Variants in DNMT1 observed in about 807,000 individuals in gnomAD.
DNMT1 encodes the protein DNA methyltransferase 1.
Under a neutral mutation model 205.3 loss-of-function variants are expected in DNMT1, and 24 were observed. The ratio of observed to expected loss-of-function variants is 0.12; its 90% CI spans 0.08 to 0.16. The LOEUF is 0.16. Among genes scored for constraint, DNMT1 ranks in the 10% least tolerant of loss-of-function variants. The pLI is 1.00. For missense variants in DNMT1, 1,293 were observed against 2,177.7 expected (o/e 0.59, Z 8.09); for synonymous variants, 817 against 839.8 (o/e 0.97, Z 0.47).
At chr19:10,148,776 C>T in intron 27 of DNMT1, 108 bp downstream of exon 27, 1 of 1,595,570 alleles carries the variant, frequency 6.3e-7, no homozygotes, top group Non-Finnish European at 8.6e-7. Context: ...GCAAGAGACA[C>T]AAACTGGGGG....
intron 1 of DNMT1, among the ~76,000 whole-genome samples, chr19:10,182,589 A>G (rs1180244759): frequency 6.6e-6 from 1 of 150,702 alleles, no homozygotes; most frequent in Non-Finnish European, 1.5e-5. Flanking sequence ...TCTGTAACAG[A>G]GTATGTGTGT....
chr19:10,194,918 C>CGCG lies in DNMT1; in HGVS notation c.-22_-20dup, dbSNP rs776657243. The CGCG allele has an allele frequency of 2.8e-5, 44 of 1,599,206 alleles. No individual in the cohort carries two copies. Among genetic ancestry groups the CGCG allele is most frequent in the East Asian group, 6.8e-5 (3 of 44,444 alleles). On this transcript the variant is annotated 5_prime_UTR_variant, in exon 1 of 41. Transcript: ENST00000359526. ...CCGGCATCTCGGAGGCTTCAGCAGA[C>CGCG]GCGGCGGCGGCAGCGCAGGCGCCCC...
In DNMT1 at chr19:10,158,395, G is replaced by A. The variant is rs577943178; in HGVS notation, c.1280+1263C>T. On this transcript the variant is annotated intron_variant, in intron 17 of 40. Transcript: ENST00000359526. Reference sequence around the variant, plus strand: ...CATCAGCCAAGCACGGGGAACGTGTGGGTGCCCTCCCAGTGGGTACAGGAA... The same window carrying A: ...CATCAGCCAAGCACGGGGAACGTGTAGGTGCCCTCCCAGTGGGTACAGGAA... Among the ~76,000 whole-genome samples, 8 of 152,334 alleles carry A rather than the reference G, an allele frequency of 5.3e-5. No individual in the cohort carries two copies. In the South Asian group the frequency reaches 1.7e-3, roughly 32 times the overall value.
intron 7 of DNMT1, among the ~76,000 whole-genome samples, chr19:10,174,288 C>T (rs562606643): frequency 1.3e-4 from 20 of 152,168 alleles, no homozygotes; most frequent in African/African-American, 3.9e-4. Flanking sequence ...CATTGGCATG[C>T]GCCTGTAGTC....
In DNMT1 at chr19:10,160,003, C is replaced by T. The variant is rs775842796; in HGVS notation, c.1089+15G>A. On this transcript the variant is annotated intron_variant, in intron 15 of 40. Transcript: ENST00000359526. ...GTGAGCGCCGCCACCGGCTTTATTC[C>T]CGGCAGATGTTTACCTTGGAGTTCA... 6.2e-7 allele frequency: 1 copy of T among 1,614,202 alleles called. No individual in the cohort carries two copies. Among genetic ancestry groups the T allele is most frequent in the African/African-American group, 1.3e-5 (1 of 75,050 alleles).
Position 10,149,578 on chromosome 19 carries a change from G to A in DNMT1, c.2461C>T (p.Leu821Phe). ...TCCAGAGGGTCCGACGTGGCCCCGA[G>A]GACTGTGTCTGTCCCAGCGCAGAAC... ...HWFCAGTDTV[L>F]GATSDPLELF... The change falls in exon 26 of 41, where the codon CTC becomes TTC. Residue 821 changes from leucine (L) to phenylalanine (F), a missense_variant. Leu to Phe is a conservative substitution (Grantham distance 22). Around this residue, in one of 13 missense-constraint regions of DNMT1, gnomAD observed 197 missense variants for 353.6 expected, o/e 0.56. Coordinates refer to ENST00000359526, the MANE Select transcript of DNMT1 (RefSeq NM_001130823.3). 1 of 1,613,782 alleles carries A rather than the reference G, an allele frequency of 6.2e-7. No homozygotes were observed. The highest frequency in any genetic ancestry group is 1.3e-5 in the African/African-American group (1 of 74,894).
chr19:10,139,067 T>A (rs577205777), intron 34 of DNMT1, among the ~76,000 whole-genome samples: 26 of 152,330 alleles, frequency 1.7e-4, no homozygotes, highest in African/African-American at 6.3e-4. Context: ...AGACATCCTG[T>A]GCTAGCATCT....
In DNMT1 at chr19:10,148,332, T is replaced by TA. The variant is rs760577966; in HGVS notation, c.2720+551dup. ...TAACACAGTGAAACCTCGTCTCTAC[T>TA]AAAAATACAAAAAACTAGCCGGGTG... is the stretch of plus-strand genomic sequence containing the variant. On this transcript the variant is annotated intron_variant, in intron 27 of 40. Coordinates refer to ENST00000359526, the MANE Select transcript of DNMT1 (RefSeq NM_001130823.3). Among the ~76,000 whole-genome samples, 734 of 147,834 alleles carry TA rather than the reference T, an allele frequency of 5.0e-3. 6 individuals carry two copies. The highest frequency in any genetic ancestry group is 7.8e-3 in the Non-Finnish European group (524 of 66,894).
chr19:10,191,506 G>C (rs1386701541), intron 1 of DNMT1, among the ~76,000 whole-genome samples: 1 of 152,118 alleles, frequency 6.6e-6, no homozygotes, highest in East Asian at 1.9e-4. Flanking sequence ...CCCAGGGTCA[G>C]TGGTGGATTG....
intron 1 of DNMT1, among the ~76,000 whole-genome samples, chr19:10,187,783 A>G (rs2039222095): frequency 6.6e-6 from 1 of 152,118 alleles, no homozygotes; most frequent in South Asian, 2.1e-4. Context: ...CGGGAGGATC[A>G]CTAGAGCCCA....
At chr19:10,181,775 G>T (rs192669551) in intron 2 of DNMT1, among the ~76,000 whole-genome samples, 1 of 152,022 alleles carries the variant, frequency 6.6e-6, no homozygotes, top group Non-Finnish European at 1.5e-5. Flanking sequence ...GTCACAGTGA[G>T]CCGAGATCAT....
At chr19:10,193,676 A>G (rs576156024) in intron 1 of DNMT1, among the ~76,000 whole-genome samples, 14 of 151,964 alleles carry the variant, frequency 9.2e-5, no homozygotes, top group Admixed American at 2.6e-4. Context: ...AAAAAAAAAA[A>G]AAAAAAGAAA....
intron 9 of DNMT1, among the ~76,000 whole-genome samples, chr19:10,168,727 T>C (rs778029037): frequency 3.9e-5 from 6 of 152,224 alleles, no homozygotes; most frequent in Non-Finnish European, 8.8e-5. Context: ...TCACAGAAAG[T>C]AACTTTATTA....
chr19:10,180,784 T>C lies in DNMT1; in HGVS notation c.219A>G (p.Leu73=), dbSNP rs1266082917. The C allele has an allele frequency of 3.7e-6, 6 of 1,613,948 alleles. No homozygotes were observed. Among genetic ancestry groups the C allele is most frequent in the Non-Finnish European group, 5.1e-6 (6 of 1,179,954 alleles). The change falls in exon 3 of 41, where the codon TTA becomes TTG. Residue 73 remains leucine (L), a synonymous_variant. Transcript: ENST00000359526. ...ATGCTGAGAACTGACTTACCTCGGA[T>C]AATTCTTCTTTACGTAATTTGGTTT... ...DLETKLRKEE[L]SEEGYLAKVK...
At chr19:10,187,391 C>A (rs2039208969) in intron 1 of DNMT1, among the ~76,000 whole-genome samples, 1 of 151,930 alleles carries the variant, frequency 6.6e-6, no homozygotes, top group Non-Finnish European at 1.5e-5. Flanking sequence ...TCACTTGAGC[C>A]CAGGAATTCG....
In DNMT1 at chr19:10,137,932, G is replaced by A. The variant is rs375225009; in HGVS notation, c.4193C>T (p.Ser1398Leu). ...CCCGTTGTAGGAGATCTCCAGTGCC[G>A]AGGCTCCATTCCGCACCTCCGGCAG... ...SDLPEVRNGA[S>L]ALEISYNGEP... Residue 1398 changes from serine (S) to leucine (L), a missense_variant, in exon 36 of 41, where the codon TCG becomes TTG. Ser to Leu is a moderately radical substitution (Grantham distance 145). Coordinates refer to ENST00000359526, the MANE Select transcript of DNMT1 (RefSeq NM_001130823.3). The surrounding 1 kb of genome is among the most constrained non-coding windows in gnomAD (Gnocchi z 6.4). The A allele has an allele frequency of 3.7e-5, 59 of 1,612,464 alleles. No individual in the cohort carries two copies. In the Middle Eastern group the frequency reaches 1.3e-3, roughly 36 times the overall value.
chr19:10,172,452 T>C (rs1179759864), intron 9 of DNMT1, among the ~76,000 whole-genome samples: 1 of 150,798 alleles, frequency 6.6e-6, no homozygotes, highest in African/African-American at 2.4e-5. Context: ...GTCTGAAAAT[T>C]AGATCTTCAC....
intron 2 of DNMT1, 118 bp downstream of exon 2, chr19:10,181,922 CT>C: frequency 1.2e-6 from 1 of 857,186 alleles, no homozygotes. Context: ...TCCAAATTAT[CT>C]TTGAAACTCC....
At chr19:10,182,724 C>A (rs931477545) in intron 1 of DNMT1, among the ~76,000 whole-genome samples, 4 of 151,530 alleles carry the variant, frequency 2.6e-5, no homozygotes, top group African/African-American at 9.7e-5. Flanking sequence ...GGCTGGAGTG[C>A]AGTGGTGCGA....
Sources: gnomAD v4.1 joint callset for allele counts (sites outside exome capture counted in the v4.1 genomes callset) on GRCh38, gnomAD v4.1.1 for gene constraint, gnomAD v4.1.1 regional missense constraint, Gnocchi (gnomAD v3.1) non-coding constraint, MANE v1.5 for transcripts, NCBI Gene and HGNC (gene_info 2026-07-23, HGNC 2026-07-21) for gene names.